Variants in ABHD2 observed in about 807,000 individuals in gnomAD.
The protein encoded by ABHD2 is monoacylglycerol lipase ABHD2.
A neutral mutation model predicts 48.1 loss-of-function variants in ABHD2; 20 were observed. The ratio of observed to expected loss-of-function variants is 0.42; its 90% CI spans 0.29 to 0.60. The LOEUF (loss-of-function observed/expected upper bound fraction) is 0.60, where lower values mean the gene tolerates loss of function less well. Among genes scored for constraint, ABHD2 ranks in the 20% least tolerant of loss-of-function variants. The pLI is 0.24. For synonymous variants in ABHD2, 209 were observed against 214.2 expected (o/e 0.98, Z 0.21); for missense variants, 405 against 550.9 (o/e 0.74, Z 2.65).
chr15:89,062,651 G>T, the ABHD2 span, among the ~76,000 whole-genome samples: 1 of 152,102 alleles, frequency 6.6e-6, no homozygotes, highest in Non-Finnish European at 1.5e-5. Context: ...GCCTCCCAAA[G>T]TACTAGGATT....
chr15:89,093,944 T>C (rs965263736), intron 1 of ABHD2: 1 of 152,304 alleles, frequency 6.6e-6, no homozygotes, highest in Non-Finnish European at 1.5e-5. Flanking sequence ...TCCTCTTTCC[T>C]TTGAATGTGC....
intron 1 of ABHD2, among the ~76,000 whole-genome samples, chr15:89,103,745 G>C (rs1171385054): frequency 1.3e-5 from 2 of 152,124 alleles, no homozygotes; most frequent in Non-Finnish European, 2.9e-5. Flanking sequence ...CTTTCCACTT[G>C]GGTTGTGACC....
In ABHD2 at chr15:89,179,333, A is replaced by G. The variant is rs114285149; in HGVS notation, c.722+3338A>G. ...AAGCAGTGGGTGAACCTTCATCTGT[A>G]TTTAGTCTCATTCCCCATTGATCAC... On this transcript the variant is annotated intron_variant, in intron 6 of 10. Coordinates refer to ENST00000352732, the MANE Select transcript of ABHD2 (RefSeq NM_152924.5). This position sits in a 1 kb window ranked among gnomAD's most constrained non-coding sequence, Gnocchi z 4.3. Among the ~76,000 whole-genome samples the G allele has an allele frequency of 0.013, 2,024 of 152,276 alleles. 51 individuals carry two copies. Among genetic ancestry groups the G allele is most frequent in the African/African-American group, 0.046 (1,902 of 41,540 alleles).
rs977653197 is a variant in ABHD2, at chr15:89,176,059, G to A, written c.722+64G>A. ...CCCTTATTTATAGAGATGCCCCGAC[G>A]CACAACACACTGTTCTGTGAAGACC... On this transcript the variant is annotated intron_variant, in intron 6 of 10. Coordinates refer to ENST00000352732, the MANE Select transcript of ABHD2 (RefSeq NM_152924.5). This position sits in a 1 kb window ranked among gnomAD's most constrained non-coding sequence, Gnocchi z 4.5. 5.2e-5 allele frequency: 76 copies of A among 1,471,410 alleles called. No individual in the cohort carries two copies. Among genetic ancestry groups the A allele is most frequent in the South Asian group, 4.0e-4 (30 of 75,810 alleles). The allele number at this position is 1,471,410 out of a possible 1,614,324, so 91.1% of individuals were successfully genotyped here. A position where few individuals can be genotyped will look rare whatever the true frequency, so the allele number is the denominator to read the frequency against.
Position 89,184,712 on chromosome 15 carries a change from A to AAT in ABHD2, c.723-709_723-708dup, listed in dbSNP as rs1166453924. The stretch of plus-strand genomic sequence containing the variant: ...AACCTGGGCTCTGGAAAACAGGGAT[A>AAT]ATATCACCTGCCTACTGCCGCCATT... On this transcript the variant is annotated intron_variant, in intron 6 of 10. Transcript: ENST00000352732. This position sits in a 1 kb window ranked among gnomAD's most constrained non-coding sequence, Gnocchi z 5.1. Among the ~76,000 whole-genome samples, 1 of 152,142 alleles carries AAT rather than the reference A, an allele frequency of 6.6e-6. No individual in the cohort carries two copies. The highest frequency in any genetic ancestry group is 2.4e-5 in the African/African-American group (1 of 41,422).
At position 89,116,099 on chromosome 15, in the gene ABHD2, C is replaced by T. The variant is rs2049956001; in HGVS notation, c.-6-223C>T. 6.6e-6 allele frequency among the ~76,000 whole-genome samples: 1 copy of T among 152,156 alleles called. No homozygotes were observed. Among genetic ancestry groups the T allele is most frequent in the South Asian group, 2.1e-4 (1 of 4,830 alleles). ...AAATTATAAAAAGAAAACACAGTAC[C>T]CAGTTTATCCATGCTCAGACTGTTT... On this transcript the variant is annotated intron_variant, in intron 2 of 10. Transcript: ENST00000352732. The surrounding 1 kb of genome is among the most constrained non-coding windows in gnomAD (Gnocchi z 4.6).
chr15:89,193,319 G>A lies in ABHD2; in HGVS notation c.1081G>A (p.Glu361Lys), dbSNP rs908947924. The A allele has an allele frequency of 6.8e-6, 11 of 1,613,710 alleles. No homozygotes were observed. Among genetic ancestry groups the A allele is most frequent in the African/African-American group, 2.7e-5 (2 of 74,926 alleles). Reference sequence around the variant, plus strand: ...TCTAACCATTCCAAAATCTCTTTCAGGTAAGTGTTTCTTCCTGCTGCCCTC... The same window carrying A: ...TCTAACCATTCCAAAATCTCTTTCAAGTAAGTGTTTCTTCCTGCTGCCCTC... ...SLLTIPKSLS[E>K]KRENVMFVLP... Residue 361 changes from glutamate (E) to lysine (K), a missense_variant and splice_region_variant, in exon 10 of 11, where the codon GAG becomes AAG. Physicochemically the swap from Glu to Lys is moderately conservative, Grantham distance 56 (BLOSUM62 1). Transcript: ENST00000352732.
At position 89,135,911 on chromosome 15, in the gene ABHD2, A is replaced by C. The variant is rs2050302258; in HGVS notation, c.195-15766A>C. ...AGGCCGAAGGAGGCCTCTTGGGTGC[A>C]CTGGGATCCTTTAACTTTTTTTTTT... On this transcript the variant is annotated intron_variant, in intron 3 of 10. Transcript: ENST00000352732. 8.5e-6 allele frequency: 5 copies of C among 585,970 alleles called. No individual in the cohort carries two copies. The South Asian group carries it at 1.1e-4, about 13-fold the overall frequency. The allele number at this position is 585,970 out of a possible 1,614,324, so 36.3% of individuals were successfully genotyped here.
the ABHD2 span, among the ~76,000 whole-genome samples, chr15:89,080,333 G>A: frequency 2.0e-5 from 3 of 152,204 alleles, no homozygotes; most frequent in African/African-American, 7.2e-5. Context: ...AAGTTCAAGT[G>A]TAAGGGTGTT....
chr15:89,166,860 A>C lies in ABHD2; in HGVS notation c.539-8952A>C, dbSNP rs191107681. On this transcript the variant is annotated intron_variant, in intron 5 of 10. Transcript: ENST00000352732. This position sits in a 1 kb window ranked among gnomAD's most constrained non-coding sequence, Gnocchi z 4.6. Reference sequence around the variant, plus strand: ...TTGGAACCTCAAGGTAAGGTCAGAAAACTTGGTCTTGCTTAGAGGACGGGA... The same window carrying C: ...TTGGAACCTCAAGGTAAGGTCAGAACACTTGGTCTTGCTTAGAGGACGGGA... Among the ~76,000 whole-genome samples the C allele has an allele frequency of 1.3e-5, 2 of 152,256 alleles. No individual in the cohort carries two copies. Among genetic ancestry groups the C allele is most frequent in the Admixed American group, 1.3e-4 (2 of 15,296 alleles).
At chr15:89,096,496 T>C (rs192808892) in intron 1 of ABHD2, among the ~76,000 whole-genome samples, 1 of 152,356 alleles carries the variant, frequency 6.6e-6, no homozygotes. Flanking sequence ...AGCCATTTGG[T>C]ACCTGAGTTT....
At chr15:89,159,641 G>A (rs192833091) in intron 5 of ABHD2, among the ~76,000 whole-genome samples, 7 of 152,292 alleles carry the variant, frequency 4.6e-5, no homozygotes, top group Admixed American at 2.6e-4. Flanking sequence ...ATTCACAGCT[G>A]CCTTAAGAGC....
At chr15:89,111,276 C>T (rs1173759589) in intron 1 of ABHD2, among the ~76,000 whole-genome samples, 1 of 152,082 alleles carries the variant, frequency 6.6e-6, no homozygotes, top group East Asian at 1.9e-4. Context: ...AAAAAGAAGT[C>T]GCCAATACTC....
chr15:89,150,570 T>A (rs901510142), intron 3 of ABHD2, among the ~76,000 whole-genome samples: 11 of 152,350 alleles, frequency 7.2e-5, no homozygotes, highest in Non-Finnish European at 5.9e-5. Context: ...GGGAACTGGT[T>A]TGCTTAAGGT....
At chr15:89,180,918 C>T (rs1567107861) in intron 6 of ABHD2, among the ~76,000 whole-genome samples, 1 of 152,032 alleles carries the variant, frequency 6.6e-6, no homozygotes, top group Admixed American at 6.6e-5. Flanking sequence ...TATAACACGA[C>T]AGAATGTATA....
chr15:89,172,574 C>T (rs1040542966), intron 5 of ABHD2, among the ~76,000 whole-genome samples: 1 of 152,194 alleles, frequency 6.6e-6, no homozygotes, highest in Admixed American at 6.5e-5. Context: ...AATAATGCTG[C>T]TATAAACATG....
At chr15:89,088,091 G>C (rs563861824), upstream of ABHD2, 6 of 152,364 alleles carry the variant, frequency 3.9e-5, no homozygotes, top group Admixed American at 2.0e-4. The surrounding 1 kb of genome is among the most constrained non-coding windows in gnomAD (Gnocchi z 6.8). Context: ...GCAGTTTGCG[G>C]TCACAATTAC....
At chr15:89,076,951 G>A in the ABHD2 span, among the ~76,000 whole-genome samples, 14 of 152,312 alleles carry the variant, frequency 9.2e-5, no homozygotes, top group East Asian at 1.7e-3. Context: ...GGTTAAGGGG[G>A]TAGGTCCTCA....
intron 1 of ABHD2, among the ~76,000 whole-genome samples, chr15:89,112,146 A>G (rs2049885703): frequency 6.6e-6 from 1 of 152,110 alleles, no homozygotes; most frequent in African/African-American, 2.4e-5. Context: ...GACTGTGGCC[A>G]CCTGGAGAGA....
Sources: allele counts gnomAD v4.1 joint callset (sites outside exome capture counted in the v4.1 genomes callset), GRCh38; gene constraint gnomAD v4.1.1; non-coding constraint Gnocchi (gnomAD v3.1); transcripts MANE v1.5; gene names NCBI Gene and HGNC (gene_info 2026-07-23, HGNC 2026-07-21).